Variants in PFKFB3 observed in about 807,000 individuals in gnomAD.
PFKFB3 encodes the protein 6-phosphofructo-2-kinase/fructose-2,6-biphosphatase 3, also known as 6-phosphofructo-2-kinase/fructose-2,6-bisphosphatase 3.
In PFKFB3, 33 loss-of-function variants were observed where a neutral mutation model predicts 68.0. The ratio of observed to expected loss-of-function variants is 0.49; its 90% CI spans 0.37 to 0.65. The LOEUF (loss-of-function observed/expected upper bound fraction) is 0.65, where lower values mean the gene tolerates loss of function less well. Ranked by LOEUF, PFKFB3 falls within the 30% of genes least tolerant of loss-of-function variation. PFKFB3 has a pLI of 0.00. For synonymous variants in PFKFB3, 315 were observed against 288.2 expected (o/e 1.09, Z -0.94); for missense variants, 586 against 712.2 (o/e 0.82, Z 2.02).
chr10:6,228,667 G>T lies in PFKFB3; in HGVS notation c.1515+2302G>T, dbSNP rs571300036. ...GGAAAACTTACTCAGAGCCTAATCT[G>T]TAAACCAAACCTATGGGGAATAGTG... On this transcript the variant is annotated intron_variant, in intron 14 of 14. Coordinates refer to ENST00000379775, the MANE Select transcript of PFKFB3 (RefSeq NM_004566.4). This position sits in a 1 kb window ranked among gnomAD's most constrained non-coding sequence, Gnocchi z 4.5. Among the ~76,000 whole-genome samples, 1 of 135,588 alleles carries T rather than the reference G, an allele frequency of 7.4e-6. No homozygotes were observed. Among genetic ancestry groups the T allele is most frequent in the African/African-American group, 2.7e-5 (1 of 37,110 alleles). The allele number at this position is 135,588 out of a possible 152,430, so 89.0% of individuals were successfully genotyped here.
the PFKFB3 span, among the ~76,000 whole-genome samples, chr10:6,300,679 C>T: frequency 6.6e-6 from 1 of 152,160 alleles, no homozygotes; most frequent in Non-Finnish European, 1.5e-5. Context: ...ATTAACTCCA[C>T]CCAGAAGCCC....
intron 14 of PFKFB3, among the ~76,000 whole-genome samples, 200 bp from the exon 15 acceptor site, chr10:6,232,695 G>GT (rs1359016079): frequency 6.6e-6 from 1 of 151,122 alleles, no homozygotes; most frequent in Non-Finnish European, 1.5e-5. Flanking sequence ...AGACTCTGGG[G>GT]TTATCTTGCG....
intron 1 of PFKFB3, among the ~76,000 whole-genome samples, chr10:6,204,830 A>T (rs969166410): frequency 6.6e-6 from 1 of 152,254 alleles, no homozygotes; most frequent in Admixed American, 6.5e-5. Context: ...AGCACTTTGT[A>T]AACTGCATTG....
rs185387667 is a variant in PFKFB3 at position 6,156,199 on chromosome 10, G to C, written c.16+11186G>C. 1.9e-4 allele frequency among the ~76,000 whole-genome samples: 28 copies of C among 150,668 alleles called. No individual in the cohort carries two copies. The East Asian group carries it at 5.5e-3, about 30-fold the overall frequency. ...GGCAGGGTTGTGATCTGTCTCCCAG[G>C]CTGGAGTGCAGTGGCACGATCATGG... is the stretch of plus-strand genomic sequence containing the variant. On this transcript the variant is annotated intron_variant, in intron 1 of 14. Coordinates refer to the PFKFB3 transcript ENST00000379789.
Position 6,221,543 on chromosome 10 carries a change from C to T in PFKFB3, c.978+16C>T, listed in dbSNP as rs1367628584. 8.7e-6 allele frequency: 14 copies of T among 1,612,352 alleles called. No individual in the cohort carries two copies. The highest frequency in any genetic ancestry group is 3.3e-5 in the Admixed American group (2 of 59,940). Reference sequence around the variant, plus strand: ...GATCGACGCGGTGAGTCCTGGGAGGCGGGCAGGCAGCCTCACCCTCGGGCA... The same window carrying T: ...GATCGACGCGGTGAGTCCTGGGAGGTGGGCAGGCAGCCTCACCCTCGGGCA... On this transcript the variant is annotated intron_variant, in intron 9 of 14. Transcript: ENST00000379775.
the PFKFB3 span, among the ~76,000 whole-genome samples, chr10:6,321,973 C>T: frequency 6.6e-6 from 1 of 151,664 alleles, no homozygotes; most frequent in Non-Finnish European, 1.5e-5. Flanking sequence ...TCTGCTCTTT[C>T]CACCTCTATT....
intron 1 of PFKFB3, among the ~76,000 whole-genome samples, chr10:6,173,074 G>T (rs186671704): frequency 6.6e-6 from 1 of 152,148 alleles, no homozygotes; most frequent in African/African-American, 2.4e-5. Flanking sequence ...AACCTGGGAC[G>T]TCCACTCTCT....
chr10:6,177,410 T>TTCTTTTC, intron 1 of PFKFB3, among the ~76,000 whole-genome samples: 1 of 122,998 alleles, frequency 8.1e-6, no homozygotes, highest in South Asian at 2.6e-4. Flanking sequence ...CTTTCTTTCT[T>TTCTTTTC]CTTTCTCTTT....
At chr10:6,231,204 T>G in intron 14 of PFKFB3, 1 of 1,222,646 alleles carries the variant, frequency 8.2e-7, no homozygotes, top group Non-Finnish European at 1.2e-6. Context: ...TACTAAAGAT[T>G]TTCTTTTTTT....
chr10:6,276,213 A>G, the PFKFB3 span, among the ~76,000 whole-genome samples: 1 of 152,222 alleles, frequency 6.6e-6, no homozygotes, highest in African/African-American at 2.4e-5. Context: ...CATGGGTGGC[A>G]TGCTATAGAA....
chr10:6,183,611 AAAAATAT>A (rs1207087401), intron 1 of PFKFB3, among the ~76,000 whole-genome samples: 45 of 86,640 alleles, frequency 5.2e-4, no homozygotes, highest in South Asian at 2.1e-3. Flanking sequence ...CAAAAAAAAA[AAAAATAT>A]ATATATATAT....
chr10:6,171,702 A>G (rs1044178996), intron 1 of PFKFB3, among the ~76,000 whole-genome samples: 26 of 152,226 alleles, frequency 1.7e-4, no homozygotes, highest in African/African-American at 6.0e-4. Flanking sequence ...CTAGATATCT[A>G]TTTTTTATAT....
the PFKFB3 span, among the ~76,000 whole-genome samples, chr10:6,325,459 G>A: frequency 1.3e-5 from 2 of 152,024 alleles, no homozygotes; most frequent in Non-Finnish European, 2.9e-5. Flanking sequence ...TTGTTATGTT[G>A]TTGAGATCAC....
intron 14 of PFKFB3, among the ~76,000 whole-genome samples, chr10:6,232,262 G>A (rs1401727730): frequency 6.6e-6 from 1 of 151,388 alleles, no homozygotes; most frequent in Non-Finnish European, 1.5e-5. Flanking sequence ...GGTGGGTGGC[G>A]GGGGGGTTTG....
intron 13 of PFKFB3, among the ~76,000 whole-genome samples, chr10:6,225,801 T>C (rs917962450): frequency 6.6e-6 from 1 of 152,156 alleles, no homozygotes; most frequent in African/African-American, 2.4e-5. Context: ...CTCCCCAGCC[T>C]GTGAGCCTCA....
rs1296731897 is a variant in PFKFB3 at position 6,223,972 on chromosome 10, C to T, written c.1228C>T (p.Leu410=). The T allele has an allele frequency of 1.9e-6, 3 of 1,613,994 alleles. No homozygotes were observed. In the African/African-American group the frequency reaches 4.0e-5, roughly 22 times the overall value. ...TTCAATTTCAGAGGAGATGCCCTAC[C>T]TGAAATGCCCTCTTCACACCGTCCT... ...LDKSAEEMPY[L]KCPLHTVLKL... is the part of the protein sequence containing the mutation. Residue 410 remains leucine (L), a synonymous_variant, in exon 12 of 15, where the codon CTG becomes TTG. Coordinates refer to ENST00000379775, the MANE Select transcript of PFKFB3 (RefSeq NM_004566.4).
At chr10:6,252,033 G>C (rs1430474171) in intron 14 of PFKFB3, among the ~76,000 whole-genome samples, 1 of 152,090 alleles carries the variant, frequency 6.6e-6, no homozygotes, top group South Asian at 2.1e-4. Flanking sequence ...CAATTTGTAG[G>C]GATAGATTCA....
chr10:6,287,607 A>G, the PFKFB3 span, among the ~76,000 whole-genome samples: 1 of 152,128 alleles, frequency 6.6e-6, no homozygotes, highest in Non-Finnish European at 1.5e-5. Flanking sequence ...TGATGTTTGC[A>G]GAAGGACAAA....
chr10:6,299,149 A>C, the PFKFB3 span, among the ~76,000 whole-genome samples: 4 of 152,352 alleles, frequency 2.6e-5, no homozygotes, highest in South Asian at 8.3e-4. Flanking sequence ...TGTGGTTAGC[A>C]AAGCATTAAT....
Sources: allele counts gnomAD v4.1 joint callset (sites outside exome capture counted in the v4.1 genomes callset), GRCh38; gene constraint gnomAD v4.1.1; non-coding constraint Gnocchi (gnomAD v3.1); transcripts MANE v1.5; gene names NCBI Gene and HGNC (gene_info 2026-07-23, HGNC 2026-07-21).